SERPINB12: variants seen among roughly 807,000 people sequenced by gnomAD.
The protein encoded by SERPINB12 is serpin family B member 12.
Under a neutral mutation model 41.1 loss-of-function variants are expected in SERPINB12, and 57 were observed. The ratio of observed to expected loss-of-function variants is 1.39; its 90% CI spans 1.12 to 1.73. SERPINB12 has a LOEUF of 1.73. Among genes scored for constraint, SERPINB12 ranks in the 40% most tolerant of loss-of-function variants. The pLI is 0.00. For missense variants in SERPINB12, 536 were observed against 501.9 expected (o/e 1.07, Z -0.65); for synonymous variants, 180 against 181.3 (o/e 0.99, Z 0.06).
At chr18:63,532,952 G>A in the SERPINB12 span, among the ~76,000 whole-genome samples, 1 of 151,958 alleles carries the variant, frequency 6.6e-6, no homozygotes, top group Non-Finnish European at 1.5e-5. Context: ...GTAAATCTTT[G>A]GTACCTAGTA....
the SERPINB12 span, among the ~76,000 whole-genome samples, chr18:63,523,401 C>T: frequency 2.6e-5 from 4 of 152,086 alleles, no homozygotes; most frequent in Admixed American, 2.6e-4. Context: ...GGTAAAGAAA[C>T]AAACCTCCTT....
At chr18:63,545,132 T>C (rs1345816892) in intron 1 of SERPINB12, among the ~76,000 whole-genome samples, 4 of 152,132 alleles carry the variant, frequency 2.6e-5, no homozygotes, top group African/African-American at 9.7e-5. Flanking sequence ...TCTTGCTGAG[T>C]TGTAACATAC....
At chr18:63,566,130 G>T (rs568870554) in intron 7 of SERPINB12, among the ~76,000 whole-genome samples, 96 of 152,168 alleles carry the variant, frequency 6.3e-4, no homozygotes, top group Non-Finnish European at 1.2e-3. Context: ...GATAGAAGGA[G>T]AGAGAAAGTG....
Position 63,566,854 on chromosome 18 carries a change from A to G in SERPINB12, c.1121A>G (p.Glu374Gly), listed in dbSNP as rs1433584755. 1 of 1,614,200 alleles carries G rather than the reference A, an allele frequency of 6.2e-7. No individual in the cohort carries two copies. Among genetic ancestry groups the G allele is most frequent in the Non-Finnish European group, 8.5e-7 (1 of 1,180,014 alleles). ...IIHKTFVEVD[E>G]NGTQAAAATG... ...CACAAAACCTTTGTGGAGGTGGATG[A>G]AAACGGTACCCAGGCAGCTGCAGCC... The change falls in exon 8 of 8, where the codon GAA becomes GGA. Residue 374 changes from glutamate to glycine, a missense_variant. Physicochemically the swap from Glu to Gly is moderately conservative, Grantham distance 98. Coordinates refer to ENST00000382768, the MANE Select transcript of SERPINB12 (RefSeq NM_001307928.2).
In SERPINB12 at chr18:63,567,069, C is replaced by A; in HGVS notation, c.*58C>A. On this transcript the variant is annotated 3_prime_UTR_variant, in exon 8 of 8. Transcript: ENST00000382768. The stretch of plus-strand genomic sequence containing the variant: ...AGGAAAATATCAATACAATCTTCCC[C>A]TGGCATAAGATGGGCATTTGAGTTT... The A allele has an allele frequency of 6.7e-7, 1 of 1,490,270 alleles. No homozygotes were observed. Among genetic ancestry groups the A allele is most frequent in the South Asian group, 1.4e-5 (1 of 73,220 alleles). The allele number at this position is 1,490,270 out of a possible 1,614,324, so 92.3% of individuals were successfully genotyped here.
the SERPINB12 span, among the ~76,000 whole-genome samples, chr18:63,528,520 G>T: frequency 6.6e-6 from 1 of 152,090 alleles, no homozygotes; most frequent in Non-Finnish European, 1.5e-5. Context: ...GCCATCTTGT[G>T]CCTACCATAT....
chr18:63,527,960 T>G, the SERPINB12 span, among the ~76,000 whole-genome samples: 1 of 151,878 alleles, frequency 6.6e-6, no homozygotes, highest in Admixed American at 6.6e-5. Flanking sequence ...TCTCATGAGA[T>G]CTGATGGTTT....
chr18:63,544,613 G>A (rs998478048), intron 1 of SERPINB12, among the ~76,000 whole-genome samples: 1 of 152,032 alleles, frequency 6.6e-6, no homozygotes, highest in African/African-American at 2.4e-5. Context: ...CTATGTCTCT[G>A]TCATATTGGG....
chr18:63,565,657 T>C, intron 7 of SERPINB12, 45 bp downstream of exon 7: 3 of 1,547,804 alleles, frequency 1.9e-6, no homozygotes, highest in Non-Finnish European at 2.6e-6. Context: ...TAATGATAGA[T>C]CTTTAGAGAA....
chr18:63,545,580 T>A (rs1047030696), intron 1 of SERPINB12, among the ~76,000 whole-genome samples: 1 of 152,170 alleles, frequency 6.6e-6, no homozygotes, highest in Non-Finnish European at 1.5e-5. Context: ...GATAAACAGA[T>A]GCAAATCTAG....
At chr18:63,536,083 G>A in the SERPINB12 span, among the ~76,000 whole-genome samples, 1 of 151,678 alleles carries the variant, frequency 6.6e-6, no homozygotes, top group South Asian at 2.1e-4. Flanking sequence ...GTTAATAATT[G>A]GTAAATCTGG....
At position 63,567,245 on chromosome 18, in the gene SERPINB12, A is replaced by T. The variant is rs938935504; in HGVS notation, c.*234A>T. Among the ~76,000 whole-genome samples, 2 of 151,994 alleles carry T rather than the reference A, an allele frequency of 1.3e-5. No homozygotes were observed. Among genetic ancestry groups the T allele is most frequent in the African/African-American group, 4.8e-5 (2 of 41,354 alleles). On this transcript the variant is annotated 3_prime_UTR_variant, in exon 8 of 8. Transcript: ENST00000382768. Reference sequence around the variant, plus strand: ...CCTAAACTTTCAAGCATATAAATTCACCCTCTGTGACCTGAAGGTCAACAC... The same window carrying T: ...CCTAAACTTTCAAGCATATAAATTCTCCCTCTGTGACCTGAAGGTCAACAC...
chr18:63,523,607 G>A, the SERPINB12 span, among the ~76,000 whole-genome samples: 1 of 152,150 alleles, frequency 6.6e-6, no homozygotes, highest in African/African-American at 2.4e-5. Context: ...AAAAAGTAAA[G>A]ACACCTGAAA....
chr18:63,553,652 A>G (rs1364122293), intron 1 of SERPINB12, among the ~76,000 whole-genome samples: 1 of 152,184 alleles, frequency 6.6e-6, no homozygotes, highest in African/African-American at 2.4e-5. Flanking sequence ...CGAGCTGAAG[A>G]TTTTGATCAA....
upstream of SERPINB12, among the ~76,000 whole-genome samples, chr18:63,541,147 G>T (rs1173164503): frequency 6.6e-6 from 1 of 151,952 alleles, no homozygotes; most frequent in Non-Finnish European, 1.5e-5. Flanking sequence ...TCAATTATAC[G>T]ATTATTCTGT....
In SERPINB12 at chr18:63,559,709, A is replaced by T. The variant is rs372382342; in HGVS notation, c.435A>T (p.Pro145=). ...GGCTTTATGGAGAGCAGGAATTCCC[A>T]ATCTGTCAGGTGAGTTGCACACGAA... The part of the protein sequence containing the change: ...ANRLYGEQEF[P]ICQEYLDGVI... The change falls in exon 4 of 8, where the codon CCA becomes CCT. Residue 145 remains proline, a synonymous_variant. Coordinates refer to ENST00000382768, the MANE Select transcript of SERPINB12 (RefSeq NM_001307928.2). 8.1e-6 allele frequency: 13 copies of T among 1,614,050 alleles called. No individual in the cohort carries two copies. Among genetic ancestry groups the T allele is most frequent in the Non-Finnish European group, 1.1e-5 (13 of 1,179,964 alleles).
At chr18:63,560,534 A>G (rs1203593347) in intron 4 of SERPINB12, among the ~76,000 whole-genome samples, 1 of 152,246 alleles carries the variant, frequency 6.6e-6, no homozygotes, top group Non-Finnish European at 1.5e-5. Context: ...ACACAAACCA[A>G]TGGGTTTGGT....
intron 5 of SERPINB12, among the ~76,000 whole-genome samples, chr18:63,562,437 A>G (rs1910944073): frequency 6.6e-6 from 1 of 152,134 alleles, no homozygotes; most frequent in Non-Finnish European, 1.5e-5. Flanking sequence ...ATTTGCATAC[A>G]TTTTGAGTGG....
Position 63,556,251 on chromosome 18 carries a change from C to A in SERPINB12, c.92C>A (p.Ser31Tyr). 2 of 1,613,988 alleles carry A rather than the reference C, an allele frequency of 1.2e-6. No individual in the cohort carries two copies. The highest frequency in any genetic ancestry group is 1.7e-6 in the Non-Finnish European group (2 of 1,179,918). The change falls in exon 2 of 8, where the codon TCT becomes TAT. Residue 31 changes from serine to tyrosine, a missense_variant. Coordinates refer to ENST00000382768, the MANE Select transcript of SERPINB12 (RefSeq NM_001307928.2). Reference sequence around the variant, plus strand: ...GATCGTCATAAAAACATATTTTTCTCTCCCCTGAGCCTCTCAGCTGCCCTT... The same window carrying A: ...GATCGTCATAAAAACATATTTTTCTATCCCCTGAGCCTCTCAGCTGCCCTT... ...KDDRHKNIFFSPLSLSAALGM... is the reference protein window; with the variant it reads ...KDDRHKNIFFYPLSLSAALGM...
Sources: gnomAD v4.1 joint callset for allele counts (sites outside exome capture counted in the v4.1 genomes callset) on GRCh38, gnomAD v4.1.1 for gene constraint, MANE v1.5 for transcripts, NCBI Gene and HGNC (gene_info 2026-07-23, HGNC 2026-07-21) for gene names.